Variants in CLNK observed in about 807,000 individuals in gnomAD.
CLNK encodes cytokine-dependent hematopoietic cell linker.
CLNK carries 74 observed loss-of-function variants against 68.6 expected under a neutral mutation model. That is an observed-to-expected ratio of 1.08 (90% CI 0.89 to 1.31). The LOEUF is 1.31. CLNK is among the 50% of genes most tolerant of loss of function. CLNK has a pLI of 0.00. For missense variants in CLNK, 553 were observed against 515.3 expected, an observed-to-expected ratio of 1.07 and a Z score of -0.71; for synonymous variants, 198 against 172.2, an observed-to-expected ratio of 1.15 and a Z score of -1.17.
At chr4:10,618,192 TA>T (rs1328002585) in intron 2 of CLNK, among the ~76,000 whole-genome samples, 5 of 152,082 alleles carry the variant, frequency 3.3e-5, no homozygotes, top group African/African-American at 4.8e-5. Context: ...TATTTAGCAA[TA>T]AAAATGGATA....
At chr4:10,555,301 T>C (rs1719621436) in intron 8 of CLNK, among the ~76,000 whole-genome samples, 1 of 152,238 alleles carries the variant, frequency 6.6e-6, no homozygotes, top group South Asian at 2.1e-4. Context: ...GGCTTAGAGT[T>C]TGTGTTTGGT....
intron 2 of CLNK, among the ~76,000 whole-genome samples, chr4:10,664,199 G>A (rs769615058): frequency 2.0e-5 from 3 of 150,218 alleles, no homozygotes; most frequent in Non-Finnish European, 4.4e-5. Context: ...AAAACTGGAT[G>A]TAGATTACAT....
chr4:10,718,824 A>G, the CLNK span, among the ~76,000 whole-genome samples: 3 of 152,076 alleles, frequency 2.0e-5, no homozygotes, highest in African/African-American at 7.2e-5. Flanking sequence ...AAAAATTACA[A>G]CCCGTCTAAT....
chr4:10,673,745 C>T (rs1197962270), intron 1 of CLNK, among the ~76,000 whole-genome samples: 1 of 151,576 alleles, frequency 6.6e-6, no homozygotes, highest in East Asian at 1.9e-4. Flanking sequence ...ACCCCAACTC[C>T]CACATGGACT....
chr4:10,626,258 G>T (rs1445861740), intron 2 of CLNK, among the ~76,000 whole-genome samples: 1 of 152,208 alleles, frequency 6.6e-6, no homozygotes, highest in Non-Finnish European at 1.5e-5. Flanking sequence ...AATGATCTGA[G>T]CAGCTTTTGT....
At chr4:10,589,342 C>T (rs756754597) in intron 3 of CLNK, among the ~76,000 whole-genome samples, 4 of 152,124 alleles carry the variant, frequency 2.6e-5, no homozygotes, top group East Asian at 1.9e-4. Flanking sequence ...CAACGTAGAC[C>T]GCAGAGTTCT....
chr4:10,627,173 C>T lies in CLNK; in HGVS notation c.12-29124G>A, dbSNP rs1486575981. Among the ~76,000 whole-genome samples, 3 of 152,132 alleles carry T rather than the reference C, an allele frequency of 2.0e-5. No individual in the cohort carries two copies. The East Asian group carries it at 5.8e-4, about 29-fold the overall frequency. The stretch of plus-strand genomic sequence containing the variant: ...ATGGGTTCATTTTACTTGACGAAAA[C>T]TGTGAGTTTTACAGACACCTCCCTG... On this transcript the variant is annotated intron_variant, in intron 2 of 18. Coordinates refer to ENST00000226951, the MANE Select transcript of CLNK (RefSeq NM_052964.4).
chr4:10,555,537 A>C (rs752406068), intron 8 of CLNK, among the ~76,000 whole-genome samples: 2 of 152,208 alleles, frequency 1.3e-5, no homozygotes, highest in African/African-American at 2.4e-5. Context: ...GGAATGAAAA[A>C]CAAAAAGTCA....
intron 8 of CLNK, among the ~76,000 whole-genome samples, chr4:10,546,829 T>G (rs542009640): frequency 4.6e-4 from 70 of 152,264 alleles, no homozygotes; most frequent in Non-Finnish European, 6.0e-4. Flanking sequence ...TTTCTTTCAG[T>G]TGTGGAGGCT....
chr4:10,588,860 T>C (rs944150177), intron 3 of CLNK, among the ~76,000 whole-genome samples: 3 of 152,050 alleles, frequency 2.0e-5, no homozygotes, highest in Non-Finnish European at 4.4e-5. Flanking sequence ...TTGTATATAC[T>C]ACATACAATG....
chr4:10,524,507 T>C (rs999973404), intron 14 of CLNK, among the ~76,000 whole-genome samples: 1 of 152,180 alleles, frequency 6.6e-6, no homozygotes, highest in South Asian at 2.1e-4. Flanking sequence ...ACCACAAACA[T>C]AGTACATTCC....
At position 10,565,979 on chromosome 4, in the gene CLNK, T is replaced by A. The variant is rs1316746768; in HGVS notation, c.292+30A>T. The A allele has an allele frequency of 2.5e-6, 4 of 1,608,000 alleles. No individual in the cohort carries two copies. The Admixed American group carries it at 6.8e-5, about 27-fold the overall frequency. ...AATATGGTGGCATGTACATGCATCT[T>A]CTTATTTCAGGCAGACCCCCAAACG... is the stretch of plus-strand genomic sequence containing the variant. On this transcript the variant is annotated intron_variant, in intron 6 of 18. Transcript: ENST00000226951.
intron 2 of CLNK, among the ~76,000 whole-genome samples, chr4:10,618,112 C>T (rs142579114): frequency 1.4e-3 from 213 of 152,202 alleles, no homozygotes; most frequent in Non-Finnish European, 2.2e-3. Flanking sequence ...GAGCCTCAGA[C>T]GGAAAACAAC....
At chr4:10,727,609 A>T in the CLNK span, among the ~76,000 whole-genome samples, 1 of 152,242 alleles carries the variant, frequency 6.6e-6, no homozygotes, top group African/African-American at 2.4e-5. Context: ...CTGCAGTGCC[A>T]TTCCTGGGTA....
chr4:10,625,959 C>G (rs966624274), intron 2 of CLNK, among the ~76,000 whole-genome samples: 1 of 152,212 alleles, frequency 6.6e-6, no homozygotes, highest in African/African-American at 2.4e-5. Flanking sequence ...TCATTTCAAC[C>G]GTTCTTTTAA....
intron 15 of CLNK, among the ~76,000 whole-genome samples, chr4:10,519,919 G>A (rs965389998): frequency 6.6e-6 from 1 of 152,112 alleles, no homozygotes; most frequent in East Asian, 1.9e-4. Flanking sequence ...AAAGCTCAAA[G>A]AATTAATTTG....
chr4:10,494,164 T>C (rs569383881), intron 18 of CLNK, among the ~76,000 whole-genome samples: 16 of 152,238 alleles, frequency 1.1e-4, no homozygotes, highest in Non-Finnish European at 1.8e-4. Flanking sequence ...TCTTCATGCT[T>C]GCTAAAACAA....
chr4:10,648,781 A>G (rs1723617366), intron 2 of CLNK, among the ~76,000 whole-genome samples: 1 of 152,188 alleles, frequency 6.6e-6, no homozygotes, highest in Admixed American at 6.6e-5. Context: ...GCTTGAAAGA[A>G]CACAGAAGCT....
intron 15 of CLNK, among the ~76,000 whole-genome samples, chr4:10,518,176 C>T (rs1381523992): frequency 6.6e-6 from 1 of 151,812 alleles, no homozygotes; most frequent in Non-Finnish European, 1.5e-5. Context: ...GGGAGAGTAG[C>T]CTAATAGAAA....
Sources: allele counts gnomAD v4.1 joint callset (sites outside exome capture counted in the v4.1 genomes callset), GRCh38; gene constraint gnomAD v4.1.1; transcripts MANE v1.5; gene names NCBI Gene and HGNC (gene_info 2026-07-23, HGNC 2026-07-21).